C1QTNF3: variants seen among roughly 807,000 people sequenced by gnomAD.
The protein encoded by C1QTNF3 is complement C1q tumor necrosis factor-related protein 3.
A neutral mutation model predicts 32.6 loss-of-function variants in C1QTNF3; 26 were observed. That is an observed-to-expected ratio of 0.80 (90% CI 0.58 to 1.11). The LOEUF is 1.11. Ranked by LOEUF, C1QTNF3 falls within the 50% of genes least tolerant of loss-of-function variation. The pLI is 0.00. For missense variants in C1QTNF3, 362 were observed against 398.2 expected (o/e 0.91, Z 0.77); for synonymous variants, 155 against 146.0 (o/e 1.06, Z -0.44).
At chr5:34,182,474 CAAATAAATAAATAAAT>C in the C1QTNF3 span, among the ~76,000 whole-genome samples, 115 of 143,030 alleles carry the variant, frequency 8.0e-4, no homozygotes, top group South Asian at 2.0e-3. Flanking sequence ...GAGACCATCA[CAAATAAATAAATAAAT>C]AAATAAATAA....
the C1QTNF3 span, among the ~76,000 whole-genome samples, chr5:34,116,819 T>A: frequency 4.9e-4 from 74 of 152,252 alleles, no homozygotes; most frequent in African/African-American, 1.7e-3. Context: ...TGGTTTGAAC[T>A]CCTGACTTCA....
the C1QTNF3 span, among the ~76,000 whole-genome samples, chr5:34,234,803 C>T: frequency 6.6e-6 from 1 of 152,114 alleles, no homozygotes; most frequent in Non-Finnish European, 1.5e-5. Flanking sequence ...CTCCATGCCT[C>T]CATCTTAAAA....
At chr5:34,158,689 T>G in the C1QTNF3 span, 8 of 152,152 alleles carry the variant, frequency 5.3e-5, no homozygotes, top group African/African-American at 1.7e-4. Context: ...ATTCATAGAA[T>G]GCAGAAATTC....
intron 1 of C1QTNF3, among the ~76,000 whole-genome samples, chr5:34,037,317 G>T (rs1754765912): frequency 6.6e-6 from 1 of 152,296 alleles, no homozygotes; most frequent in South Asian, 2.1e-4. Context: ...AGAGAAAAAG[G>T]AGGCCAGGGA....
At chr5:34,103,832 A>G in the C1QTNF3 span, among the ~76,000 whole-genome samples, 3 of 151,888 alleles carry the variant, frequency 2.0e-5, no homozygotes, top group African/African-American at 4.8e-5. Context: ...CTAAAAAAAA[A>G]AAAGGTAGTC....
chr5:34,079,562 A>G, the C1QTNF3 span, among the ~76,000 whole-genome samples: 1 of 151,846 alleles, frequency 6.6e-6, no homozygotes, highest in South Asian at 2.1e-4. Context: ...GAATGGATTA[A>G]AAAACATGGT....
the C1QTNF3 span, among the ~76,000 whole-genome samples, chr5:34,072,784 A>G: frequency 6.6e-6 from 1 of 152,196 alleles, no homozygotes; most frequent in Non-Finnish European, 1.5e-5. Context: ...TAATTATTAC[A>G]CTAACATCTT....
the C1QTNF3 span, among the ~76,000 whole-genome samples, chr5:34,207,012 G>A: frequency 6.6e-5 from 10 of 152,192 alleles, no homozygotes; most frequent in Admixed American, 5.9e-4. Flanking sequence ...GAGTGTGCAA[G>A]TTTTTCATTT....
the C1QTNF3 span, among the ~76,000 whole-genome samples, chr5:34,080,198 T>C: frequency 6.6e-6 from 1 of 151,796 alleles, no homozygotes; most frequent in Non-Finnish European, 1.5e-5. Context: ...ATGTAATTTA[T>C]ATATATATTC....
chr5:34,048,574 A>G, the C1QTNF3 span, among the ~76,000 whole-genome samples: 1 of 152,042 alleles, frequency 6.6e-6, no homozygotes, highest in Non-Finnish European at 1.5e-5. Flanking sequence ...TAAAACTGAT[A>G]CCTTTGCCAG....
the C1QTNF3 span, among the ~76,000 whole-genome samples, chr5:34,218,722 T>C: frequency 6.6e-6 from 1 of 152,122 alleles, no homozygotes; most frequent in Non-Finnish European, 1.5e-5. Flanking sequence ...CCTAAAATTC[T>C]CTCTAGAACT....
In C1QTNF3 at chr5:34,035,687, G is replaced by A. The variant is rs1754719628; in HGVS notation, c.375C>T (p.Tyr125=). The change falls in exon 2 of 6, where the codon TAC becomes TAT. Residue 125 remains tyrosine, a synonymous_variant. Coordinates refer to ENST00000382065, the MANE Select transcript of C1QTNF3 (RefSeq NM_181435.6). ...GGCCCGGTGGCCCAGGGGGGCCTTG[G>A]TAGCCTCGAAAGCTGTAGTCTCCAT... ...CCHGDYSFRG[Y]QGPPGPPGPP... is the part of the protein sequence containing the mutation. 3.1e-6 allele frequency: 5 copies of A among 1,611,706 alleles called. No individual in the cohort carries two copies. Among genetic ancestry groups the A allele is most frequent in the Non-Finnish European group, 4.2e-6 (5 of 1,179,320 alleles).
the C1QTNF3 span, among the ~76,000 whole-genome samples, chr5:34,100,558 CATT>C: frequency 1.5e-3 from 229 of 151,180 alleles, 1 homozygote; most frequent in African/African-American, 5.1e-3. Context: ...TTATTAATAT[CATT>C]ATTATTATAA....
At chr5:34,140,656 T>C in the C1QTNF3 span, among the ~76,000 whole-genome samples, 69 of 152,346 alleles carry the variant, frequency 4.5e-4, no homozygotes, top group African/African-American at 1.7e-3. Context: ...TTAGAAAGTC[T>C]GCATTTTGAA....
chr5:34,114,825 T>A, the C1QTNF3 span, among the ~76,000 whole-genome samples: 6 of 152,152 alleles, frequency 3.9e-5, no homozygotes, highest in Non-Finnish European at 7.4e-5. Flanking sequence ...GTGCCCTGTG[T>A]CTTAATTTCA....
chr5:34,115,422 G>A, the C1QTNF3 span, among the ~76,000 whole-genome samples: 1 of 151,980 alleles, frequency 6.6e-6, no homozygotes, highest in Non-Finnish European at 1.5e-5. Flanking sequence ...GACATCTTCC[G>A]CCAATTCTGG....
the C1QTNF3 span, among the ~76,000 whole-genome samples, chr5:34,058,235 C>A: frequency 3.3e-5 from 5 of 152,082 alleles, no homozygotes; most frequent in Admixed American, 2.6e-4. Flanking sequence ...TTCCCCACCA[C>A]ACCCCTTTAC....
the C1QTNF3 span, chr5:34,165,673 A>G: frequency 6.6e-6 from 1 of 152,270 alleles, no homozygotes; most frequent in South Asian, 2.1e-4. Context: ...TGTTTAAAAT[A>G]GTATAGCTCA....
the C1QTNF3 span, among the ~76,000 whole-genome samples, chr5:34,133,125 A>G: frequency 2.6e-5 from 4 of 152,338 alleles, no homozygotes; most frequent in African/African-American, 9.6e-5. Flanking sequence ...CAGGGATCAT[A>G]TCAACCTCTC....
Sources: allele counts gnomAD v4.1 joint callset (sites outside exome capture counted in the v4.1 genomes callset), GRCh38; gene constraint gnomAD v4.1.1; transcripts MANE v1.5; gene names NCBI Gene and HGNC (gene_info 2026-07-23, HGNC 2026-07-21).